SEPTIN10: variants seen among roughly 807,000 people sequenced by gnomAD.
The protein encoded by SEPTIN10 is septin-10.
SEPTIN10 carries 66 observed loss-of-function variants against 54.8 expected under a neutral mutation model. That is an observed-to-expected ratio of 1.21 (90% confidence interval 0.99 to 1.48). The LOEUF (loss-of-function observed/expected upper bound fraction) is 1.48, where lower values mean the gene tolerates loss of function less well. SEPTIN10 is among the 40% of genes most tolerant of loss of function. The pLI is 0.00. For missense variants in SEPTIN10, 620 were observed against 545.6 expected (o/e 1.14, Z -1.36); for synonymous variants, 161 against 181.0 (o/e 0.89, Z 0.89).
intron 5 of SEPTIN10, among the ~76,000 whole-genome samples, chr2:109,570,425 T>C (rs1277318072): frequency 2.0e-5 from 3 of 152,052 alleles, no homozygotes; most frequent in Non-Finnish European, 4.4e-5. Context: ...GGATCAAAAA[T>C]ATTAGGGGAA....
chr2:109,589,684 G>A (rs1693478052), intron 2 of SEPTIN10, among the ~76,000 whole-genome samples: 1 of 151,980 alleles, frequency 6.6e-6, no homozygotes, highest in South Asian at 2.1e-4. Flanking sequence ...CAGTTGCTTT[G>A]GAAACTAGCT....
chr2:109,599,451 C>T (rs2106115119), intron 1 of SEPTIN10, among the ~76,000 whole-genome samples: 1 of 127,770 alleles, frequency 7.8e-6, no homozygotes, highest in South Asian at 2.5e-4. Flanking sequence ...GAGCAAGACT[C>T]AGTCTCCAAA....
rs765692504 is a variant in SEPTIN10, at chr2:109,565,770, A to G, written c.852T>C (p.Val284=). The change falls in exon 7 of 11, where the codon GTT becomes GTC. Residue 284 remains valine (V), a synonymous_variant. Coordinates refer to ENST00000397712, the MANE Select transcript of SEPTIN10 (RefSeq NM_144710.5). ...ATCCTTTGTCTCATTTACCTTGTAC[A>G]ACACCCCAAGGGTACTGGCGAGCTT... is the stretch of plus-strand genomic sequence containing the variant. The part of the protein sequence containing the change: ...MVKARQYPWG[V]VQVENENHCD... 4.3e-6 allele frequency: 7 copies of G among 1,613,464 alleles called. No homozygotes were observed. In the Admixed American group the frequency reaches 1.0e-4, roughly 23 times the overall value.
rs373090073 is a variant in SEPTIN10 at position 109,585,669 on chromosome 2, G to T, written c.217+52C>A. ...GTTCTGCCCATGACAAGAATGAAGT[G>T]AGCACAAGGAATATGAAGGAACAAC... is the stretch of plus-strand genomic sequence containing the variant. On this transcript the variant is annotated intron_variant, in intron 3 of 10. Transcript: ENST00000397712. The T allele has an allele frequency of 1.8e-4, 211 of 1,202,772 alleles. 3 individuals are homozygous for T. The Admixed American group carries it at 3.4e-3, about 20-fold the overall frequency. 74.5% of individuals were successfully genotyped at this position (1,202,772 alleles called of 1,614,324 possible). A position where few individuals can be genotyped will look rare whatever the true frequency, so the allele number is the denominator to read the frequency against.
intron 5 of SEPTIN10, among the ~76,000 whole-genome samples, chr2:109,572,683 C>A (rs1165370204): frequency 1.5e-5 from 2 of 137,466 alleles, no homozygotes; most frequent in African/African-American, 2.8e-5. Flanking sequence ...GTGGTGCAAT[C>A]TCGGATTACC....
intron 8 of SEPTIN10, among the ~76,000 whole-genome samples, chr2:109,554,906 T>C (rs1489405556): frequency 1.3e-5 from 2 of 152,176 alleles, no homozygotes; most frequent in Non-Finnish European, 2.9e-5. Context: ...TCCTGAGTCA[T>C]CTTTCACTCT....
intron 5 of SEPTIN10, among the ~76,000 whole-genome samples, chr2:109,571,345 C>T (rs553854843): frequency 3.9e-5 from 6 of 152,202 alleles, no homozygotes; most frequent in Admixed American, 1.3e-4. Context: ...TTTGATGTTG[C>T]GTGAACATCA....
chr2:109,580,349 CAAAA>C (rs3058505), intron 4 of SEPTIN10, among the ~76,000 whole-genome samples: 3 of 135,916 alleles, frequency 2.2e-5, no homozygotes, highest in African/African-American at 2.8e-5. Context: ...CCATAAAATG[CAAAA>C]AAAAAAAAAA....
chr2:109,569,374 T>A (rs1687823051), intron 5 of SEPTIN10, among the ~76,000 whole-genome samples: 1 of 148,214 alleles, frequency 6.7e-6, no homozygotes. Context: ...GAGGTTGCAG[T>A]GAGCCGAGAT....
chr2:109,613,717 G>A (rs935517594), intron 1 of SEPTIN10, 81 bp downstream of exon 1: 19 of 947,062 alleles, frequency 2.0e-5, no homozygotes, highest in African/African-American at 3.4e-5. Context: ...GGCCGGACCA[G>A]GGGGCCGGTG....
chr2:109,565,913 T>A, intron 6 of SEPTIN10, 54 bp from the exon 7 acceptor site: 6 of 1,417,322 alleles, frequency 4.2e-6, no homozygotes, highest in African/African-American at 1.4e-5. Flanking sequence ...ACTGACTAGA[T>A]AAAATAAATT....
Position 109,555,620 on chromosome 2 carries a change from T to C in SEPTIN10, c.1029-2401A>G, listed in dbSNP as rs145129838. Among the ~76,000 whole-genome samples, 1,228 of 152,288 alleles carry C rather than the reference T, an allele frequency of 8.1e-3. 15 individuals carry two copies. Among genetic ancestry groups the C allele is most frequent in the African/African-American group, 0.028 (1,162 of 41,552 alleles). ...CATCCAGAAGGAATGCTGAGGGCAGTCACGACCCAGGCACAAGTGTTTCTT... is the reference window on the plus strand; with the variant it reads ...CATCCAGAAGGAATGCTGAGGGCAGCCACGACCCAGGCACAAGTGTTTCTT... On this transcript the variant is annotated intron_variant, in intron 8 of 10. Transcript: ENST00000397712.
chr2:109,610,095 G>GTTTTTTTTTTTTTTTTTTTTTTTT (rs554268137), intron 1 of SEPTIN10, among the ~76,000 whole-genome samples: 1 of 143,434 alleles, frequency 7.0e-6, no homozygotes, highest in African/African-American at 2.6e-5. Flanking sequence ...TCCCTGAGGT[G>GTTTTTTTTTTTTTTTTTTTTTTTT]TTTTTTTTTT....
At chr2:109,577,471 T>C (rs1401177345) in intron 4 of SEPTIN10, among the ~76,000 whole-genome samples, 1 of 151,604 alleles carries the variant, frequency 6.6e-6, no homozygotes, top group Non-Finnish European at 1.5e-5. Flanking sequence ...CAGGTGCCTG[T>C]ATCCCAGGTA....
chr2:109,593,861 C>A (rs1694665591), intron 1 of SEPTIN10, among the ~76,000 whole-genome samples: 1 of 152,164 alleles, frequency 6.6e-6, no homozygotes, highest in South Asian at 2.1e-4. Flanking sequence ...ACCTTAGTCA[C>A]TAAAATAATC....
chr2:109,543,934 T>C lies in SEPTIN10; in HGVS notation c.*375A>G, dbSNP rs148818283. On this transcript the variant is annotated 3_prime_UTR_variant, in exon 11 of 11. Coordinates refer to ENST00000397712, the MANE Select transcript of SEPTIN10 (RefSeq NM_144710.5). The stretch of plus-strand genomic sequence containing the variant: ...ATGTTTCACATCCACCTTATACATA[T>C]AGCCTGAAAGTAATTTATACAAAAA... 1,326 of 547,878 alleles carry C rather than the reference T, an allele frequency of 2.4e-3. 12 individuals carry two copies. Among genetic ancestry groups the C allele is most frequent in the African/African-American group, 0.021 (1,107 of 52,582 alleles). 33.9% of individuals were successfully genotyped at this position (547,878 alleles called of 1,614,324 possible).
intron 1 of SEPTIN10, among the ~76,000 whole-genome samples, chr2:109,612,696 G>A (rs1016336699): frequency 3.3e-5 from 5 of 152,102 alleles, no homozygotes; most frequent in African/African-American, 1.2e-4. Flanking sequence ...TCCTCACCAG[G>A]ACCCCTCAAT....
intron 1 of SEPTIN10, among the ~76,000 whole-genome samples, chr2:109,611,967 T>C (rs1003593261): frequency 6.6e-6 from 1 of 152,180 alleles, no homozygotes; most frequent in South Asian, 2.1e-4. Flanking sequence ...GACCCAACAA[T>C]TGTATTCCTG....
In SEPTIN10 at chr2:109,585,329, A is replaced by G. The variant is rs751597064; in HGVS notation, c.218-8T>C. 1.9e-6 allele frequency: 3 copies of G among 1,588,526 alleles called. No homozygotes were observed. The highest frequency in any genetic ancestry group is 2.6e-6 in the Non-Finnish European group (3 of 1,165,790). On this transcript the variant is annotated splice_polypyrimidine_tract_variant and splice_region_variant and intron_variant, in intron 3 of 10. Transcript: ENST00000397712. ...TTCCAATTCCAGTTTCCCCTGAAACACACAAAGGTACATCTTTATGGTTGC... is the reference window on the plus strand; with the variant it reads ...TTCCAATTCCAGTTTCCCCTGAAACGCACAAAGGTACATCTTTATGGTTGC...
Sources: gnomAD v4.1 joint callset for allele counts (sites outside exome capture counted in the v4.1 genomes callset) on GRCh38, gnomAD v4.1.1 for gene constraint, MANE v1.5 for transcripts, NCBI Gene and HGNC (gene_info 2026-07-23, HGNC 2026-07-21) for gene names.